ARHGAP24: variants seen among roughly 807,000 people sequenced by gnomAD.
ARHGAP24 encodes rho GTPase-activating protein 24.
Under a neutral mutation model 76.4 loss-of-function variants are expected in ARHGAP24, and 50 were observed. The observed-to-expected ratio is 0.65, with a 90% CI of 0.52 to 0.83. The LOEUF is 0.83. Among genes scored for constraint, ARHGAP24 ranks in the 40% least tolerant of loss-of-function variants. ARHGAP24 has a pLI of 0.00. For missense variants in ARHGAP24, 930 were observed against 914.2 expected, an observed-to-expected ratio of 1.02 and a Z score of -0.22; for synonymous variants, 345 against 323.3, an observed-to-expected ratio of 1.07 and a Z score of -0.72.
At chr4:85,996,285 G>A (rs1170881931) in intron 9 of ARHGAP24, among the ~76,000 whole-genome samples, 1 of 152,170 alleles carries the variant, frequency 6.6e-6, no homozygotes. Flanking sequence ...GAGGGGTGAC[G>A]TGAAGTATGT....
In ARHGAP24 at chr4:85,994,693, A is replaced by G. The variant is rs1740539415; in HGVS notation, c.1039A>G (p.Asn347Asp). ...SKPQDGVSNNNEIQKKATMGQ... is the reference protein window; with the variant it reads ...SKPQDGVSNNDEIQKKATMGQ... ...GCCCCAAGATGGAGTGAGCAACAAC[A>G]ATGAAATTCAGAAGAAAGCCACCAT... Residue 347 changes from asparagine to aspartate, a missense_variant, in exon 9 of 10, where the codon AAT (asparagine) becomes GAT (aspartate). Asn to Asp is a conservative substitution (Grantham distance 23, BLOSUM62 1). Coordinates refer to ENST00000395184, the MANE Select transcript of ARHGAP24 (RefSeq NM_001025616.3). The G allele has an allele frequency of 1.9e-6, 3 of 1,614,016 alleles. No homozygotes were observed. The highest frequency in any genetic ancestry group is 1.3e-5 in the African/African-American group (1 of 74,916).
At chr4:85,719,735 C>A (rs1291734407) in intron 2 of ARHGAP24, among the ~76,000 whole-genome samples, 1 of 152,084 alleles carries the variant, frequency 6.6e-6, no homozygotes, top group Non-Finnish European at 1.5e-5. Context: ...AATTAGGGAG[C>A]AAAACACATA....
At chr4:85,646,942 A>G (rs887362210) in intron 2 of ARHGAP24, among the ~76,000 whole-genome samples, 7 of 152,148 alleles carry the variant, frequency 4.6e-5, no homozygotes, top group Non-Finnish European at 8.8e-5. Context: ...TGACTCTGCC[A>G]TATACATATT....
intron 1 of ARHGAP24, among the ~76,000 whole-genome samples, chr4:85,501,405 A>T (rs1723810546): frequency 6.6e-6 from 1 of 152,138 alleles, no homozygotes. Flanking sequence ...TGACTTTTTG[A>T]TGATGGCCAT....
rs144168749 is a variant in ARHGAP24 at position 85,771,204 on chromosome 4, G to A, written c.268+49232G>A. The stretch of plus-strand genomic sequence containing the variant: ...TTTCTTATGAGGGATTGGCTCACAT[G>A]ATTATGGTGGCTAAGAAGTTCCATG... On this transcript the variant is annotated intron_variant, in intron 3 of 9. Coordinates refer to ENST00000395184, the MANE Select transcript of ARHGAP24 (RefSeq NM_001025616.3). Among the ~76,000 whole-genome samples the A allele has an allele frequency of 2.3e-3, 345 of 152,310 alleles. 2 individuals carry two copies. Among genetic ancestry groups the A allele is most frequent in the African/African-American group, 7.4e-3 (307 of 41,580 alleles).
chr4:85,691,073 T>C (rs1221400829), intron 2 of ARHGAP24, among the ~76,000 whole-genome samples: 1 of 152,170 alleles, frequency 6.6e-6, no homozygotes, highest in Non-Finnish European at 1.5e-5. Context: ...CAAATAATTT[T>C]TTGATTTATG....
intron 3 of ARHGAP24, among the ~76,000 whole-genome samples, chr4:85,918,677 A>G (rs1735551152): frequency 6.6e-6 from 1 of 152,130 alleles, no homozygotes; most frequent in African/African-American, 2.4e-5. Flanking sequence ...CATGTCAAGC[A>G]TCTATTTAAG....
intron 3 of ARHGAP24, among the ~76,000 whole-genome samples, chr4:85,850,093 T>A (rs1358688456): frequency 6.6e-6 from 1 of 152,174 alleles, no homozygotes; most frequent in Non-Finnish European, 1.5e-5. Flanking sequence ...TTTTTTTGGT[T>A]GGTAGGCTAT....
At chr4:85,682,716 A>G (rs1723252801) in intron 2 of ARHGAP24, among the ~76,000 whole-genome samples, 1 of 152,208 alleles carries the variant, frequency 6.6e-6, no homozygotes. Flanking sequence ...TGCAAAGCAT[A>G]TTGCAAGCTC....
chr4:85,510,974 A>G (rs192454332), intron 1 of ARHGAP24, among the ~76,000 whole-genome samples: 2 of 152,298 alleles, frequency 1.3e-5, no homozygotes, highest in African/African-American at 2.4e-5. Context: ...CCACCCTAGT[A>G]TTAGTCTGTT....
intron 2 of ARHGAP24, among the ~76,000 whole-genome samples, chr4:85,587,593 C>T (rs917066679): frequency 6.6e-6 from 1 of 152,118 alleles, no homozygotes; most frequent in East Asian, 1.9e-4. Context: ...TTGACTTTTA[C>T]AGCCAGTGAG....
At chr4:85,536,929 C>T (rs1467521385) in intron 1 of ARHGAP24, among the ~76,000 whole-genome samples, 3 of 152,050 alleles carry the variant, frequency 2.0e-5, no homozygotes, top group Non-Finnish European at 4.4e-5. Flanking sequence ...GACCAATATT[C>T]AAAGGCACAA....
intron 9 of ARHGAP24, among the ~76,000 whole-genome samples, chr4:85,999,177 T>C (rs1740859523): frequency 6.6e-6 from 1 of 151,692 alleles, no homozygotes; most frequent in South Asian, 2.1e-4. Context: ...TCCTTCTCAG[T>C]ATTTTAATTT....
chr4:85,786,073 A>G (rs1183907961), intron 3 of ARHGAP24, among the ~76,000 whole-genome samples: 1 of 152,082 alleles, frequency 6.6e-6, no homozygotes, highest in African/African-American at 2.4e-5. Flanking sequence ...TTACTTATAA[A>G]TGGAAGTTGC....
rs935516874 is a variant in ARHGAP24 at position 85,568,989 on chromosome 4, G to C, written c.-20-1533G>C. ...TTCATCCCTGCAACAGGAATGGCAG[G>C]ACTAAATTGAGAGAACTTGAAGTGC... On this transcript the variant is annotated intron_variant, in intron 1 of 9. Transcript: ENST00000395184. 3.9e-5 allele frequency among the ~76,000 whole-genome samples: 6 copies of C among 152,280 alleles called. No individual in the cohort carries two copies. The East Asian group carries it at 5.8e-4, about 15-fold the overall frequency.
intron 2 of ARHGAP24, among the ~76,000 whole-genome samples, chr4:85,590,694 T>C (rs1205382316): frequency 2.6e-5 from 4 of 152,068 alleles, no homozygotes; most frequent in Non-Finnish European, 4.4e-5. Flanking sequence ...TAAACACTCA[T>C]TGAGTACTTT....
chr4:85,537,447 G>A (rs551050198), intron 1 of ARHGAP24, among the ~76,000 whole-genome samples: 91 of 152,194 alleles, frequency 6.0e-4, no homozygotes, highest in African/African-American at 2.0e-3. Context: ...TAGTATGAAG[G>A]AATGTTAGCA....
At chr4:85,675,565 T>C (rs1319984495) in intron 2 of ARHGAP24, among the ~76,000 whole-genome samples, 1 of 152,164 alleles carries the variant, frequency 6.6e-6, no homozygotes, top group Non-Finnish European at 1.5e-5. Context: ...TAACAAAAGA[T>C]TTCCCGTAAC....
At chr4:85,690,805 C>A (rs941745245) in intron 2 of ARHGAP24, among the ~76,000 whole-genome samples, 25 of 139,638 alleles carry the variant, frequency 1.8e-4, no homozygotes, top group Admixed American at 4.5e-4. Context: ...TTTCATCGAT[C>A]TTTTGTATGG....
Sources: allele counts gnomAD v4.1 joint callset (sites outside exome capture counted in the v4.1 genomes callset), GRCh38; gene constraint gnomAD v4.1.1; transcripts MANE v1.5; gene names NCBI Gene and HGNC (gene_info 2026-07-23, HGNC 2026-07-21).